C11orf16: variants seen among roughly 807,000 people sequenced by gnomAD.
C11orf16 encodes the protein chromosome 11 open reading frame 16, also known as uncharacterized protein C11orf16.
A neutral mutation model predicts 45.1 loss-of-function variants in C11orf16; 38 were observed. The observed-to-expected ratio is 0.84, with a 90% confidence interval of 0.65 to 1.10. C11orf16 has a LOEUF of 1.10. C11orf16 is among the 50% of genes least tolerant of loss of function. C11orf16 has a pLI of 0.00. For synonymous variants in C11orf16, 221 were observed against 222.0 expected (o/e 1.00, Z 0.04); for missense variants, 583 against 569.5 (o/e 1.02, Z -0.24).
rs1314900884 is a variant in C11orf16 at position 8,929,476 on chromosome 11, G to A, written c.225C>T (p.Gly75=). Residue 75 remains glycine (G), a synonymous_variant, in exon 3 of 7, where the codon GGC becomes GGT. Transcript: ENST00000326053. Reference sequence around the variant, plus strand: ...CAGCATCTCCAGCTCTTCCCAGCCAGCCAGGCCCCTGCCATGCTGGGTCGG... The same window carrying A: ...CAGCATCTCCAGCTCTTCCCAGCCAACCAGGCCCCTGCCATGCTGGGTCGG... ...HVADPAWQGP[G]WLGRAGDAAN... 4.3e-6 allele frequency: 7 copies of A among 1,614,030 alleles called. 1 individual carries two copies. The highest frequency in any genetic ancestry group is 3.3e-4 in the Middle Eastern group (2 of 6,084).
At chr11:8,922,341 CCAGCCTGGGTGA>C (rs1209976069) in intron 5 of C11orf16, among the ~76,000 whole-genome samples, 1 of 151,764 alleles carries the variant, frequency 6.6e-6, no homozygotes, top group East Asian at 1.9e-4. Context: ...CCACTGCCCA[CCAGCCTGGGTGA>C]CATAGTGAGA....
Position 8,921,518 on chromosome 11 carries a change from A to C in C11orf16, c.1205-3T>G, listed in dbSNP as rs1307306371. 1 of 1,614,092 alleles carries C rather than the reference A, an allele frequency of 6.2e-7. No homozygotes were observed. Among genetic ancestry groups the C allele is most frequent in the South Asian group, 1.1e-5 (1 of 91,054 alleles). The stretch of plus-strand genomic sequence containing the variant: ...GCAGATGTTGGAATATCTTGTTCCT[A>C]AACCCAAAAGTCAATTACTTAGGTT... On this transcript the variant is annotated splice_polypyrimidine_tract_variant and splice_region_variant and intron_variant, in intron 5 of 6. Coordinates refer to ENST00000326053, the MANE Select transcript of C11orf16 (RefSeq NM_020643.3).
In C11orf16 at chr11:8,929,487, G is replaced by T. The variant is rs1372679306; in HGVS notation, c.214C>A (p.Gln72Lys). 3.1e-6 allele frequency: 5 copies of T among 1,613,986 alleles called. No individual in the cohort carries two copies. In the African/African-American group the frequency reaches 5.3e-5, roughly 17 times the overall value. The change falls in exon 3 of 7, where the codon CAG becomes AAG. Residue 72 changes from glutamine to lysine, a missense_variant. Transcript: ENST00000326053. ...GCTCTTCCCAGCCAGCCAGGCCCCT[G>T]CCATGCTGGGTCGGCAACGTGGAGA... ...PCLHVADPAWQGPGWLGRAGD... is the reference protein window; with the variant it reads ...PCLHVADPAWKGPGWLGRAGD...
intron 3 of C11orf16, 84 bp from the exon 4 acceptor site, chr11:8,927,258 A>G (rs545090201): frequency 1.9e-6 from 2 of 1,059,454 alleles, no homozygotes; most frequent in South Asian, 1.5e-5. Context: ...ATGCCCCCCA[A>G]ATCAGGCCCA....
At chr11:8,928,033 G>C (rs933344721) in intron 3 of C11orf16, among the ~76,000 whole-genome samples, 2 of 152,026 alleles carry the variant, frequency 1.3e-5, no homozygotes, top group Non-Finnish European at 2.9e-5. Context: ...TCAGGTTCCC[G>C]AGCAGCTGGG....
At chr11:8,921,556 A>G in intron 5 of C11orf16, 41 bp from the exon 6 acceptor site, 1 of 1,546,970 alleles carries the variant, frequency 6.5e-7, no homozygotes, top group Non-Finnish European at 8.9e-7. Flanking sequence ...ATATGCCACC[A>G]TTTTGATGGC....
Position 8,925,937 on chromosome 11 carries a change from A to G in C11orf16, c.730T>C (p.Ser244Pro). 1.9e-6 allele frequency: 3 copies of G among 1,614,170 alleles called. No homozygotes were observed. Among genetic ancestry groups the G allele is most frequent in the Non-Finnish European group, 2.5e-6 (3 of 1,180,034 alleles). Residue 244 changes from serine to proline, a missense_variant, in exon 5 of 7, where the codon TCT (serine) becomes CCT (proline). Transcript: ENST00000326053. ...CGCCCAGTGATTGGCCCTAGCAGAG[A>G]GCAGCAAGGGGCCCAGTGAAGGGGC... ...PRPLHWAPCCSLLGPITGRIT... is the reference protein window; with the variant it reads ...PRPLHWAPCCPLLGPITGRIT...
At position 8,926,113 on chromosome 11, in the gene C11orf16, TAAC is replaced by T; in HGVS notation, c.560-9_560-7del. 1 of 1,553,588 alleles carries T rather than the reference TAAC, an allele frequency of 6.4e-7. No homozygotes were observed. The highest frequency in any genetic ancestry group is 2.3e-5 in the East Asian group (1 of 44,030). ...GATTTCTTTTTCCTTTGATGCTACA[TAAC>T]AAAAAATGGCAACATTTTGTTATAA... On this transcript the variant is annotated splice_region_variant and splice_polypyrimidine_tract_variant and intron_variant, in intron 4 of 6. Transcript: ENST00000326053.
At chr11:8,929,191 T>C in intron 3 of C11orf16, 186 bp downstream of exon 3, 1 of 588,738 alleles carries the variant, frequency 1.7e-6, no homozygotes, top group South Asian at 2.8e-5. Context: ...TTGTTGCACT[T>C]TGTTAGGGAG....
In C11orf16 at chr11:8,920,259, T is replaced by A. The variant is rs2064560372; in HGVS notation, c.*214A>T. Reference sequence around the variant, plus strand: ...CCTGGCAGGGAGCCCCAGGGCAGGATCCCACATTCCTATAGCCCTCACAAC... The same window carrying A: ...CCTGGCAGGGAGCCCCAGGGCAGGAACCCACATTCCTATAGCCCTCACAAC... On this transcript the variant is annotated 3_prime_UTR_variant, in exon 7 of 7. Coordinates refer to ENST00000326053, the MANE Select transcript of C11orf16 (RefSeq NM_020643.3). 1 of 421,156 alleles carries A rather than the reference T, an allele frequency of 2.4e-6. No homozygotes were observed. Among genetic ancestry groups the A allele is most frequent in the East Asian group, 3.6e-5 (1 of 28,030 alleles). The allele number at this position is 421,156 out of a possible 1,614,324, so 26.1% of individuals were successfully genotyped here.
Position 8,927,132 on chromosome 11 carries a change from G to A in C11orf16, c.367C>T (p.Leu123Phe). The change falls in exon 4 of 7, where the codon CTT becomes TTT. Residue 123 changes from leucine to phenylalanine, a missense_variant. Physicochemically the swap from Leu to Phe is conservative, Grantham distance 22. Transcript: ENST00000326053. ...GVLLVEFEAP[L>F]VAGPKLPAQQ... ...GCTGGCAGCTTTGGGCCTGCGACAA[G>A]AGGAGCCTCGAATTCCACAAGCAGG... is the stretch of plus-strand genomic sequence containing the variant. 6.2e-7 allele frequency: 1 copy of A among 1,614,114 alleles called. No individual in the cohort carries two copies. The highest frequency in any genetic ancestry group is 8.5e-7 in the Non-Finnish European group (1 of 1,180,004).
At chr11:8,926,742 T>A (rs2064616635) in intron 4 of C11orf16, among the ~76,000 whole-genome samples, 198 bp downstream of exon 4, 1 of 152,038 alleles carries the variant, frequency 6.6e-6, no homozygotes, top group Non-Finnish European at 1.5e-5. Flanking sequence ...ATTTTTTTTT[T>A]AATAATCTGA....
chr11:8,927,453 G>T, intron 3 of C11orf16: 1 of 492,198 alleles, frequency 2.0e-6, no homozygotes, highest in Non-Finnish European at 3.8e-6. Flanking sequence ...TCCTTTGCCT[G>T]GTTTTCTTTC....
In C11orf16 at chr11:8,920,366, T is replaced by C; in HGVS notation, c.*107A>G. The C allele has an allele frequency of 1.6e-6, 1 of 628,520 alleles. No individual in the cohort carries two copies. Among genetic ancestry groups the C allele is most frequent in the East Asian group, 3.0e-5 (1 of 33,340 alleles). 38.9% of individuals were successfully genotyped at this position (628,520 alleles called of 1,614,324 possible). A position where few individuals can be genotyped will look rare whatever the true frequency, so the allele number is the denominator to read the frequency against. The stretch of plus-strand genomic sequence containing the variant: ...GGTTATTTGACTGTTACCTGTGGCC[T>C]GTCCTCTGCCTCCTTCCGTTGAAGA... On this transcript the variant is annotated 3_prime_UTR_variant, in exon 7 of 7. Coordinates refer to ENST00000326053, the MANE Select transcript of C11orf16 (RefSeq NM_020643.3).
chr11:8,924,784 C>T (rs1187176267), intron 5 of C11orf16, among the ~76,000 whole-genome samples: 4 of 152,198 alleles, frequency 2.6e-5, no homozygotes, highest in Non-Finnish European at 5.9e-5. Flanking sequence ...CCACCTCCTT[C>T]ACACAGCTCT....
chr11:8,927,816 A>G (rs1322334110), intron 3 of C11orf16: 5 of 297,464 alleles, frequency 1.7e-5, no homozygotes, highest in Non-Finnish European at 3.5e-5. Flanking sequence ...CTGGTTATAA[A>G]TTATTTTTAC....
intron 5 of C11orf16, 152 bp from the exon 6 acceptor site, chr11:8,921,667 C>T (rs1053065573): frequency 2.5e-6 from 2 of 807,982 alleles, no homozygotes; most frequent in South Asian, 3.5e-5. Flanking sequence ...GCTATTATCA[C>T]CCAGGCTGGA....
At position 8,932,271 on chromosome 11, in the gene C11orf16, T is replaced by G; in HGVS notation, c.38A>C (p.Lys13Thr). ...CAGGCTTGTGGCCACGCTGCAGTAT[T>G]TGAGCAAAGGCATCCTGGGCCCCGT... The part of the protein sequence containing the change: ...SSTGPRMPLL[K>T]YCSVATSLKA... The change falls in exon 2 of 7, where the codon AAA becomes ACA. Residue 13 changes from lysine (K) to threonine (T), a missense_variant. Physicochemically the swap from Lys to Thr is moderately conservative, Grantham distance 78 (BLOSUM62 -1). Coordinates refer to ENST00000326053, the MANE Select transcript of C11orf16 (RefSeq NM_020643.3). 6.2e-7 allele frequency: 1 copy of G among 1,611,758 alleles called. No homozygotes were observed.
intron 2 of C11orf16, 67 bp from the exon 3 acceptor site, chr11:8,929,600 T>G: frequency 7.0e-7 from 1 of 1,419,040 alleles, no homozygotes; most frequent in Non-Finnish European, 9.5e-7. Flanking sequence ...AGAAACACGT[T>G]TCGCAGGTAC....
Sources: gnomAD v4.1 joint callset for allele counts (sites outside exome capture counted in the v4.1 genomes callset) on GRCh38, gnomAD v4.1.1 for gene constraint, MANE v1.5 for transcripts, NCBI Gene and HGNC (gene_info 2026-07-23, HGNC 2026-07-21) for gene names.